DHRS12: variants seen among roughly 807,000 people sequenced by gnomAD.
DHRS12 encodes the protein dehydrogenase/reductase 12.
In DHRS12, 29 loss-of-function variants were observed where a neutral mutation model predicts 32.1. That is an observed-to-expected ratio of 0.90 (90% CI 0.67 to 1.23). The LOEUF (loss-of-function observed/expected upper bound fraction) is 1.23, where lower values mean the gene tolerates loss of function less well. DHRS12 is among the 50% of genes most tolerant of loss of function. The pLI, the probability that DHRS12 is intolerant of heterozygous loss-of-function variation, is 0.00. For synonymous variants in DHRS12, 150 were observed against 135.9 expected, an observed-to-expected ratio of 1.10 and a Z score of -0.72; for missense variants, 330 against 337.2, an observed-to-expected ratio of 0.98 and a Z score of 0.17.
downstream of DHRS12, chr13:51,767,868 TCCTGCTGCCCCCACC>T: frequency 4.4e-6 from 2 of 455,118 alleles, no homozygotes; most frequent in Non-Finnish European, 6.1e-6. Context: ...AGGGGGGCAT[TCCTGCTGCCCCCACC>T]CCTGCGTCCC....
intron 1 of DHRS12, chr13:51,803,831 G>A (rs1955867693): frequency 5.4e-6 from 2 of 368,422 alleles, no homozygotes; most frequent in Admixed American, 4.9e-5. Flanking sequence ...CGCCCCTCGG[G>A]CGCCAGTCTC....
intron 4 of DHRS12, among the ~76,000 whole-genome samples, chr13:51,787,749 A>T (rs1566296024): frequency 9.2e-6 from 1 of 109,228 alleles, no homozygotes; most frequent in African/African-American, 3.3e-5. Context: ...TATATTATAT[A>T]TTTTTATATA....
rs1953854295 is a variant in DHRS12, at chr13:51,768,486, T to C, written c.698-190A>G. ...CATGGATTGATATGTAAAGTGCAGT[T>C]TGGGAACTGGGAGGCTGCAGCCAGG... is the stretch of plus-strand genomic sequence containing the variant. On this transcript the variant is annotated intron_variant, in intron 8 of 8. Coordinates refer to ENST00000444610, the MANE Select transcript of DHRS12 (RefSeq NM_001377533.1). 1.1e-5 allele frequency: 15 copies of C among 1,422,312 alleles called. No individual in the cohort carries two copies. In the South Asian group the frequency reaches 1.5e-4, roughly 14 times the overall value. 88.1% of individuals were successfully genotyped at this position (1,422,312 alleles called of 1,614,324 possible).
intron 4 of DHRS12, chr13:51,789,780 A>T (rs1223473639): frequency 1.0e-6 from 1 of 985,348 alleles, no homozygotes; most frequent in Non-Finnish European, 1.2e-6. Flanking sequence ...CTTCCTAGGA[A>T]AAAAAACACT....
chr13:51,769,314 G>A (rs1314885728), intron 7 of DHRS12, 21 bp from the exon 8 acceptor site: 3 of 1,527,498 alleles, frequency 2.0e-6, no homozygotes, highest in Admixed American at 2.0e-5. Flanking sequence ...GAAGGGTCAG[G>A]CGGATTAGGA....
chr13:51,763,173 A>G (rs899776685), downstream of DHRS12: 7 of 152,228 alleles, frequency 4.6e-5, no homozygotes, highest in African/African-American at 1.7e-4. Context: ...TTCAAGGAAT[A>G]GCTGTTTTTG....
intron 4 of DHRS12, among the ~76,000 whole-genome samples, chr13:51,786,342 C>T (rs1032366187): frequency 6.6e-6 from 1 of 152,212 alleles, no homozygotes; most frequent in African/African-American, 2.4e-5. Flanking sequence ...TGGCAGGCTG[C>T]CAGCAGGGCA....
chr13:51,774,357 C>CCTACAGTATTCTCCTACATGTATT (rs1341325538), intron 5 of DHRS12: 5 of 107,908 alleles, frequency 4.6e-5, no homozygotes, highest in East Asian at 2.1e-4. Context: ...CATGTATTCT[C>CCTACAGTATTCTCCTACATGTATT]CTACAGTATT....
At chr13:51,797,625 C>A (rs1173783535) in intron 2 of DHRS12, among the ~76,000 whole-genome samples, 2 of 152,166 alleles carry the variant, frequency 1.3e-5, no homozygotes, top group African/African-American at 4.8e-5. Context: ...TGCGGTCAAG[C>A]CTCAGTGCCC....
chr13:51,798,639 T>A (rs1566309413), intron 2 of DHRS12, among the ~76,000 whole-genome samples: 1 of 152,210 alleles, frequency 6.6e-6, no homozygotes, highest in Admixed American at 6.5e-5. Context: ...AAGATGCAAT[T>A]AATCCTCTCC....
At chr13:51,765,151 G>A (rs920768374), downstream of DHRS12, 1 of 152,212 alleles carries the variant, frequency 6.6e-6, no homozygotes, top group African/African-American at 2.4e-5. Context: ...ACCGTGCAGG[G>A]GCATGGCAGC....
At chr13:51,799,112 T>C (rs758110580) in intron 2 of DHRS12, among the ~76,000 whole-genome samples, 2 of 152,168 alleles carry the variant, frequency 1.3e-5, no homozygotes, top group Non-Finnish European at 2.9e-5. Context: ...CACATCCAAA[T>C]TGCAGTGGAC....
chr13:51,772,028 G>A (rs1196630922), intron 6 of DHRS12, 117 bp from the exon 7 acceptor site: 10 of 941,596 alleles, frequency 1.1e-5, no homozygotes, highest in South Asian at 9.3e-5. Flanking sequence ...CAGTATGTAC[G>A]GCCACTTGAT....
the DHRS12 span, among the ~76,000 whole-genome samples, chr13:51,757,905 T>C: frequency 6.6e-6 from 1 of 152,234 alleles, no homozygotes; most frequent in Admixed American, 6.5e-5. Context: ...AGCCCTGTGG[T>C]TTTAAAAGCT....
At chr13:51,767,937 G>GA, downstream of DHRS12, 2 of 1,281,430 alleles carry the variant, frequency 1.6e-6, no homozygotes, top group South Asian at 3.8e-5. Context: ...GAATTCTTTA[G>GA]AAAACCATTC....
intron 4 of DHRS12, among the ~76,000 whole-genome samples, chr13:51,778,783 C>G (rs1954564181): frequency 6.6e-6 from 1 of 152,070 alleles, no homozygotes; most frequent in Non-Finnish European, 1.5e-5. Context: ...TCGCTTGTCC[C>G]TGCCAAGTAC....
At chr13:51,755,552 G>T in the DHRS12 span, 1 of 1,210,536 alleles carries the variant, frequency 8.3e-7, no homozygotes, top group Non-Finnish European at 1.2e-6. Context: ...GGTGGGAGTT[G>T]TGGTGAGGGT....
rs960284678 is a variant in DHRS12 at position 51,769,165 on chromosome 13, A to G, written c.688T>C (p.Phe230Leu). Residue 230 changes from phenylalanine (F) to leucine (L), a missense_variant, in exon 8 of 9, where the codon TTC (phenylalanine) becomes CTC (leucine). Phe to Leu is a conservative substitution (Grantham distance 22). Transcript: ENST00000444610. ...CCAGGGAGGAAGTCACCTTGAAAGA[A>G]GCGGCCGCTGGGCTGTGCGGCTGCG... ...SAAAAQPSGRFFQDRKPVSTH... is the reference protein window; with the variant it reads ...SAAAAQPSGRLFQDRKPVSTH... 1.3e-6 allele frequency: 2 copies of G among 1,549,926 alleles called. No individual in the cohort carries two copies. The highest frequency in any genetic ancestry group is 1.7e-6 in the Non-Finnish European group (2 of 1,147,482).
At chr13:51,787,565 C>T (rs1392122680) in intron 4 of DHRS12, among the ~76,000 whole-genome samples, 1 of 151,106 alleles carries the variant, frequency 6.6e-6, no homozygotes, top group Non-Finnish European at 1.5e-5. Context: ...CACATTCTGG[C>T]TCCTTCACTT....
Sources: allele counts gnomAD v4.1 joint callset (sites outside exome capture counted in the v4.1 genomes callset), GRCh38; gene constraint gnomAD v4.1.1; transcripts MANE v1.5; gene names NCBI Gene and HGNC (gene_info 2026-07-23, HGNC 2026-07-21).